Variants in CNTN3 observed in about 807,000 individuals in gnomAD.
CNTN3 encodes contactin-3.
A neutral mutation model predicts 119.1 loss-of-function variants in CNTN3; 60 were observed. The observed-to-expected ratio is 0.50, with a 90% CI of 0.41 to 0.62. The LOEUF (loss-of-function observed/expected upper bound fraction) is 0.62. Ranked by LOEUF, CNTN3 falls within the 20% of genes least tolerant of loss-of-function variation. CNTN3 has a pLI of 0.00. For synonymous variants in CNTN3, 450 were observed against 438.7 expected (o/e 1.03, Z -0.32); for missense variants, 1,101 against 1,242.4 (o/e 0.89, Z 1.71).
chr3:74,301,808 A>T lies in CNTN3; in HGVS notation c.1787-3T>A. On this transcript the variant is annotated splice_polypyrimidine_tract_variant and splice_region_variant and intron_variant, in intron 14 of 22. Coordinates refer to ENST00000263665, the MANE Select transcript of CNTN3 (RefSeq NM_020872.3). ...ATTTTCTGGTGGTCCAGGTGAACCT[A>T]AGGAAGGCACAAATGGAAACATTGA... is the stretch of plus-strand genomic sequence containing the variant. The T allele has an allele frequency of 6.2e-7, 1 of 1,613,588 alleles. No individual in the cohort carries two copies. The highest frequency in any genetic ancestry group is 2.2e-5 in the East Asian group (1 of 44,864).
intron 19 of CNTN3, among the ~76,000 whole-genome samples, chr3:74,288,163 T>TTC (rs1553692378): frequency 1.4e-5 from 2 of 146,506 alleles, no homozygotes; most frequent in South Asian, 4.4e-4. Flanking sequence ...TCTTTTCTTT[T>TTC]TTTTTTTTTT....
intron 6 of CNTN3, among the ~76,000 whole-genome samples, chr3:74,370,870 C>A (rs1031822824): frequency 2.6e-5 from 4 of 152,044 alleles, no homozygotes; most frequent in Non-Finnish European, 5.9e-5. Context: ...GAGTGCAACC[C>A]GAGCCCCGGG....
rs1156579949 is a variant in CNTN3 at position 74,344,397 on chromosome 3, G to GTTTTTTTTT, written c.1365-7748_1365-7740dup. Among the ~76,000 whole-genome samples the GTTTTTTTTT allele has an allele frequency of 8.0e-4, 26 of 32,610 alleles. 2 individuals carry two copies. The highest frequency in any genetic ancestry group is 1.7e-3 in the Non-Finnish European group (23 of 13,914). 21.4% of individuals were successfully genotyped at this position (32,610 alleles called of 152,430 possible). On this transcript the variant is annotated intron_variant, in intron 11 of 22. Coordinates refer to ENST00000263665, the MANE Select transcript of CNTN3 (RefSeq NM_020872.3). ...AGTTCATTTACAACCTTACACAGTG[G>GTTTTTTTTT]TTTTTTTTTTTTTTTTTTTTTTTTT...
At chr3:74,538,554 GTCTT>G (rs907493482) in intron 1 of CNTN3, among the ~76,000 whole-genome samples, 1 of 152,062 alleles carries the variant, frequency 6.6e-6, no homozygotes, top group Non-Finnish European at 1.5e-5. Context: ...CCTACTAAAA[GTCTT>G]TCTGTTTAAT....
intron 1 of CNTN3, among the ~76,000 whole-genome samples, chr3:74,552,595 CT>C (rs1382773883): frequency 1.3e-5 from 2 of 152,122 alleles, no homozygotes. Flanking sequence ...TCTGTAATAT[CT>C]TTTTTTGGAA....
At position 74,431,480 on chromosome 3, in the gene CNTN3, A is replaced by T. The variant is rs369461483; in HGVS notation, c.359-6540T>A. Among the ~76,000 whole-genome samples the T allele has an allele frequency of 1.2e-4, 18 of 152,310 alleles. No homozygotes were observed. In the East Asian group the frequency reaches 3.1e-3, roughly 26 times the overall value. ...TTTCCCAACAAGTAAATTTGAGTAAACTTGTGTCAAGCCAAGTTAAATGAG... is the reference window on the plus strand; with the variant it reads ...TTTCCCAACAAGTAAATTTGAGTAATCTTGTGTCAAGCCAAGTTAAATGAG... On this transcript the variant is annotated intron_variant, in intron 4 of 22. Transcript: ENST00000263665.
intron 11 of CNTN3, among the ~76,000 whole-genome samples, chr3:74,357,361 G>C (rs752717221): frequency 6.6e-6 from 1 of 151,990 alleles, no homozygotes; most frequent in Non-Finnish European, 1.5e-5. Context: ...TCGGCTCAAC[G>C]CAACCTCTGC....
intron 4 of CNTN3, among the ~76,000 whole-genome samples, chr3:74,477,585 TG>T (rs1702681523): frequency 6.6e-6 from 1 of 151,756 alleles, no homozygotes; most frequent in African/African-American, 2.4e-5. Flanking sequence ...GGAAGGGTAG[TG>T]GGGGATTAGG....
intron 2 of CNTN3, among the ~76,000 whole-genome samples, chr3:74,514,446 G>T (rs1157425523): frequency 6.6e-6 from 1 of 151,916 alleles, no homozygotes; most frequent in Non-Finnish European, 1.5e-5. Flanking sequence ...GAAAAAACTG[G>T]CAACCATTAC....
chr3:74,337,181 G>A (rs990010494), intron 11 of CNTN3, among the ~76,000 whole-genome samples: 1 of 152,076 alleles, frequency 6.6e-6, no homozygotes, highest in African/African-American at 2.4e-5. Context: ...GTGGTCCCCT[G>A]TGAGCTCATG....
At chr3:74,339,740 C>A (rs781530969) in intron 11 of CNTN3, among the ~76,000 whole-genome samples, 1 of 152,040 alleles carries the variant, frequency 6.6e-6, no homozygotes, top group Non-Finnish European at 1.5e-5. Context: ...GAGTAAATGA[C>A]GGTATGCCTT....
intron 4 of CNTN3, among the ~76,000 whole-genome samples, chr3:74,479,160 A>C (rs947476104): frequency 1.3e-5 from 2 of 152,044 alleles, no homozygotes; most frequent in Non-Finnish European, 2.9e-5. Flanking sequence ...GTGAAATAGG[A>C]AACAGAGAAA....
intron 1 of CNTN3, among the ~76,000 whole-genome samples, chr3:74,524,059 T>A (rs1703580825): frequency 6.6e-6 from 1 of 151,874 alleles, no homozygotes; most frequent in Non-Finnish European, 1.5e-5. Context: ...AGTCACAGCA[T>A]GGGAACTGGC....
At position 74,285,061 on chromosome 3, in the gene CNTN3, C is replaced by G. The variant is rs1274075615; in HGVS notation, c.2704+244G>C. Among the ~76,000 whole-genome samples, 3 of 152,270 alleles carry G rather than the reference C, an allele frequency of 2.0e-5. No homozygotes were observed. The East Asian group carries it at 5.8e-4, about 29-fold the overall frequency. On this transcript the variant is annotated intron_variant, in intron 20 of 22. Transcript: ENST00000263665. ...TAAAAGAAAAGGGGATAGATTTAAC[C>G]TAACACCCCACACTAAGATTTTTTC...
rs201937551 is a variant in CNTN3 at position 74,390,494 on chromosome 3, GA to G, written c.455-19096del. On this transcript the variant is annotated intron_variant, in intron 5 of 22. Coordinates refer to ENST00000263665, the MANE Select transcript of CNTN3 (RefSeq NM_020872.3). ...CAGAAAGCTTTGAGCTGCTTTGGGG[GA>G]AAAAAAAAATCAAGAAACAGAGTTA... is the stretch of plus-strand genomic sequence containing the variant. Among the ~76,000 whole-genome samples, 409 of 147,100 alleles carry G rather than the reference GA, an allele frequency of 2.8e-3. 6 individuals carry two copies. The highest frequency in any genetic ancestry group is 0.015 in the East Asian group (74 of 5,062).
intron 13 of CNTN3, among the ~76,000 whole-genome samples, chr3:74,308,047 C>G (rs1301917816): frequency 6.6e-6 from 1 of 152,126 alleles, no homozygotes; most frequent in South Asian, 2.1e-4. Flanking sequence ...GCCTTGAAAA[C>G]AGTCGAACCT....
chr3:74,310,896 G>C (rs2106836587), intron 13 of CNTN3, among the ~76,000 whole-genome samples: 1 of 152,174 alleles, frequency 6.6e-6, no homozygotes, highest in Middle Eastern at 3.4e-3. Context: ...CTCCGCCTTG[G>C]GCAGCTGACC....
chr3:74,308,024 A>G (rs1702599271), intron 13 of CNTN3, among the ~76,000 whole-genome samples: 1 of 152,116 alleles, frequency 6.6e-6, no homozygotes, highest in Admixed American at 6.6e-5. Flanking sequence ...TTACATGTAA[A>G]TCATCTCCAG....
chr3:74,399,507 T>C (rs548767246), intron 5 of CNTN3, among the ~76,000 whole-genome samples: 2 of 152,314 alleles, frequency 1.3e-5, no homozygotes, highest in South Asian at 4.1e-4. Flanking sequence ...TATTCCATGG[T>C]GTATATGTAC....
Sources: gnomAD v4.1 joint callset for allele counts (sites outside exome capture counted in the v4.1 genomes callset) on GRCh38, gnomAD v4.1.1 for gene constraint, MANE v1.5 for transcripts, NCBI Gene and HGNC (gene_info 2026-07-23, HGNC 2026-07-21) for gene names.